IGFN1: variants seen among roughly 807,000 people sequenced by gnomAD.
The protein encoded by IGFN1 is immunoglobulin like and fibronectin type III domain containing 1, also known as immunoglobulin-like and fibronectin type III domain-containing protein 1.
In IGFN1, 253 loss-of-function variants were observed where a neutral mutation model predicts 289.5. That is an observed-to-expected ratio of 0.87 (90% confidence interval 0.79 to 0.97). IGFN1 has a LOEUF of 0.97. IGFN1 is among the 50% of genes least tolerant of loss of function. The pLI, the probability that IGFN1 is intolerant of heterozygous loss-of-function variation, is 0.00. For synonymous variants in IGFN1, 1,706 were observed against 1,788.5 expected (o/e 0.95, Z 1.16); for missense variants, 4,470 against 4,686.1 (o/e 0.95, Z 1.35).
rs1427398698 is a variant in IGFN1 at position 201,209,330 on chromosome 1, G to A, written c.4437G>A (p.Arg1479=). The A allele has an allele frequency of 7.4e-6, 11 of 1,485,238 alleles. No individual in the cohort carries two copies. In the Admixed American group the frequency reaches 1.9e-4, roughly 26 times the overall value. 92.0% of individuals were successfully genotyped at this position (1,485,238 alleles called of 1,614,324 possible). A position where few individuals can be genotyped will look rare whatever the true frequency, so the allele number is the denominator to read the frequency against. Residue 1479 remains arginine (R), a synonymous_variant, in exon 12 of 24, where the codon AGG becomes AGA. Transcript: ENST00000335211. ...RMDSGSKAGY[R]GGLRGSGEMG... is the part of the protein sequence containing the mutation. Reference sequence around the variant, plus strand: ...ATTCAGGGAGCAAGGCAGGTTACAGGGGTGGTTTAAGGGGTTCTGGGGAAA... The same window carrying A: ...ATTCAGGGAGCAAGGCAGGTTACAGAGGTGGTTTAAGGGGTTCTGGGGAAA...
In IGFN1 at chr1:201,212,090, C is replaced by T. The variant is rs1485827126; in HGVS notation, c.7197C>T (p.Asp2399=). The T allele has an allele frequency of 4.6e-6, 7 of 1,536,346 alleles. No individual in the cohort carries two copies. Among genetic ancestry groups the T allele is most frequent in the Non-Finnish European group, 8.7e-7 (1 of 1,146,766 alleles). The change falls in exon 12 of 24, where the codon GAC becomes GAT. Residue 2399 remains aspartate, a synonymous_variant. Coordinates refer to ENST00000335211, the MANE Select transcript of IGFN1 (RefSeq NM_001164586.2). ...GATATTGGGTAGCATCAGAGGGTGACACGAACTCCAAGGATGGTCCAGAGC... is the reference window on the plus strand; with the variant it reads ...GATATTGGGTAGCATCAGAGGGTGATACGAACTCCAAGGATGGTCCAGAGC... ...RSGYWVASEG[D]TNSKDGPERA...
In IGFN1 at chr1:201,213,025, G is replaced by T; in HGVS notation, c.8132G>T (p.Gly2711Val). The change falls in exon 12 of 24, where the codon GGT (glycine) becomes GTT (valine). Residue 2711 changes from glycine (G) to valine (V), a missense_variant. Physicochemically the swap from Gly to Val is moderately radical, Grantham distance 109 (BLOSUM62 -3). Transcript: ENST00000335211. Reference sequence around the variant, plus strand: ...AGTTCTGTTGATGCAGAGGACTCAGGTATCCTGGGCAAGGGGAATTCTACT... The same window carrying T: ...AGTTCTGTTGATGCAGAGGACTCAGTTATCCTGGGCAAGGGGAATTCTACT... ...RGSSVDAEDS[G>V]ILGKGNSTEW... The T allele has an allele frequency of 6.4e-7, 1 of 1,551,608 alleles. No individual in the cohort carries two copies.
rs1392314182 is a variant in IGFN1, at chr1:201,212,746, G to C, written c.7853G>C (p.Arg2618Thr). Residue 2618 changes from arginine to threonine, a missense_variant, in exon 12 of 24, where the codon AGA (arginine) becomes ACA (threonine). This residue lies in a region of IGFN1 where 2,218 missense variants were observed against 2,114.1 expected (regional missense o/e 1.05). Transcript: ENST00000335211. ...AAGTCAACATCAGGGCCTGCTGATAGACAAGGGACGAGCAATGCTTGGGCT... is the reference window on the plus strand; with the variant it reads ...AAGTCAACATCAGGGCCTGCTGATACACAAGGGACGAGCAATGCTTGGGCT... ...RGKSTSGPAD[R>T]QGTSNAWAPD... is the part of the protein sequence containing the mutation. 7 of 1,551,462 alleles carry C rather than the reference G, an allele frequency of 4.5e-6. No homozygotes were observed. The African/African-American group carries it at 9.6e-5, about 21-fold the overall frequency.
At chr1:201,203,310 A>G (rs1440034930) in intron 9 of IGFN1, among the ~76,000 whole-genome samples, 1 of 152,150 alleles carries the variant, frequency 6.6e-6, no homozygotes, top group Admixed American at 6.5e-5. Flanking sequence ...GGTTTCATAG[A>G]GCCTTATGGA....
chr1:201,227,039 C>T lies in IGFN1; in HGVS notation c.10944C>T (p.Phe3648=), dbSNP rs772714297. The change falls in exon 23 of 24, where the codon TTC becomes TTT. Residue 3648 remains phenylalanine (F), a synonymous_variant. Coordinates refer to ENST00000335211, the MANE Select transcript of IGFN1 (RefSeq NM_001164586.2). ...QGSPRPHVTW[F]KNDRSLEGNP... ...CGCCCCGGCCCCACGTCACCTGGTTCAAGAATGACCGCAGCCTGGAAGGAA... is the reference window on the plus strand; with the variant it reads ...CGCCCCGGCCCCACGTCACCTGGTTTAAGAATGACCGCAGCCTGGAAGGAA... 1.2e-6 allele frequency: 2 copies of T among 1,613,652 alleles called. No individual in the cohort carries two copies. Among genetic ancestry groups the T allele is most frequent in the South Asian group, 1.1e-5 (1 of 91,088 alleles).
intron 12 of IGFN1, 102 bp downstream of exon 12, chr1:201,213,723 C>G: frequency 2.0e-6 from 2 of 985,292 alleles, no homozygotes; most frequent in Non-Finnish European, 3.0e-6. Flanking sequence ...CCTCCAGCCC[C>G]AGGAGTTTGT....
At chr1:201,216,170 T>C (rs1273792791) in intron 15 of IGFN1, 6 of 603,968 alleles carry the variant, frequency 9.9e-6, no homozygotes, top group African/African-American at 1.8e-5. Flanking sequence ...GCCGAGCAGG[T>C]GCCCATACCA....
chr1:201,223,046 C>T, intron 20 of IGFN1: 1 of 401,720 alleles, frequency 2.5e-6, no homozygotes, highest in Non-Finnish European at 4.5e-6. Flanking sequence ...GCTGGGTGGC[C>T]ATTCTGCTCC....
Position 201,214,171 on chromosome 1 carries a change from C to A in IGFN1, c.8729-6C>A. 1 of 1,609,796 alleles carries A rather than the reference C, an allele frequency of 6.2e-7. No individual in the cohort carries two copies. On this transcript the variant is annotated splice_polypyrimidine_tract_variant and splice_region_variant and intron_variant, in intron 12 of 23. Coordinates refer to ENST00000335211, the MANE Select transcript of IGFN1 (RefSeq NM_001164586.2). The stretch of plus-strand genomic sequence containing the variant: ...GGCCCTGGGGATTCCCTCTGTGTCT[C>A]TCCAGGCCCCATGGGCCACTTCTCC...
In IGFN1 at chr1:201,206,946, G is replaced by C. The variant is rs985645072; in HGVS notation, c.2053G>C (p.Gly685Arg). 9 of 1,536,276 alleles carry C rather than the reference G, an allele frequency of 5.9e-6. No individual in the cohort carries two copies. Among genetic ancestry groups the C allele is most frequent in the Non-Finnish European group, 7.0e-6 (8 of 1,146,514 alleles). Residue 685 changes from glycine (G) to arginine (R), a missense_variant, in exon 12 of 24, where the codon GGC becomes CGC. This residue lies in a region of IGFN1 where 2,011 missense variants were observed against 1,953.4 expected (regional missense o/e 1.03). Coordinates refer to ENST00000335211, the MANE Select transcript of IGFN1 (RefSeq NM_001164586.2). ...GGAGCTTACTGGAGGAAGAGGTTCTGGCTCCAAGGTGGGCATGGCCCCTGA... is the reference window on the plus strand; with the variant it reads ...GGAGCTTACTGGAGGAAGAGGTTCTCGCTCCAAGGTGGGCATGGCCCCTGA... ...TLELTGGRGS[G>R]SKVGMAPESW...
chr1:201,216,172 C>T, intron 15 of IGFN1: 1 of 604,180 alleles, frequency 1.7e-6, no homozygotes, highest in South Asian at 1.9e-5. Context: ...CGAGCAGGTG[C>T]CCATACCAGC....
Position 201,209,990 on chromosome 1 carries a change from T to G in IGFN1, c.5097T>G (p.Ser1699=), listed in dbSNP as rs1161059869. 10 of 1,489,682 alleles carry G rather than the reference T, an allele frequency of 6.7e-6. No homozygotes were observed. Among genetic ancestry groups the G allele is most frequent in the African/African-American group, 1.5e-5 (1 of 66,142 alleles). The allele number at this position is 1,489,682 out of a possible 1,614,324, so 92.3% of individuals were successfully genotyped here. Residue 1699 remains serine, a synonymous_variant, in exon 12 of 24, where the codon TCT becomes TCG. Transcript: ENST00000335211. ...GTTTTAGGGATGGTTTAGGGAGTTC[T>G]GTAGAAATGGGGTCAGTGAATGAGG... ...KAGFRDGLGS[S]VEMGSVNEAG...
At chr1:201,217,210 C>A in intron 16 of IGFN1, 77 bp from the exon 17 acceptor site, 2 of 1,351,586 alleles carry the variant, frequency 1.5e-6, no homozygotes, top group Non-Finnish European at 2.1e-6. Flanking sequence ...ATGCCTGTGC[C>A]CCCTACCCCC....
chr1:201,203,242 C>A (rs1462938193), intron 9 of IGFN1, among the ~76,000 whole-genome samples: 1 of 152,202 alleles, frequency 6.6e-6, no homozygotes, highest in Non-Finnish European at 1.5e-5. Flanking sequence ...TGTTAATATT[C>A]AGCAAGTAGC....
Position 201,216,029 on chromosome 1 carries a change from G to A in IGFN1, c.9295+191G>A, listed in dbSNP as rs779228467. The A allele has an allele frequency of 6.0e-5, 44 of 735,946 alleles. No individual in the cohort carries two copies. The African/African-American group carries it at 6.9e-4, about 12-fold the overall frequency. The allele number at this position is 735,946 out of a possible 1,614,324, so 45.6% of individuals were successfully genotyped here. A position where few individuals can be genotyped will look rare whatever the true frequency, so the allele number is the denominator to read the frequency against. The stretch of plus-strand genomic sequence containing the variant: ...AAGAAGCAGTTGAGATGAACACAGT[G>A]CTGGGCTCCTGCTGGGGGGGAGGAG... On this transcript the variant is annotated intron_variant, in intron 15 of 23. Transcript: ENST00000335211.
At chr1:201,194,419 G>A (rs932019087) in intron 3 of IGFN1, 146 bp downstream of exon 3, 4 of 869,778 alleles carry the variant, frequency 4.6e-6, no homozygotes, top group South Asian at 1.8e-5. Context: ...TATCCTTGAG[G>A]GGGTATGTGC....
Position 201,206,860 on chromosome 1 carries a change from G to C in IGFN1, c.1967G>C (p.Gly656Ala). ...AGGGGGAGAGGAATAGTAGTGTGGGGTGGTGGGACTGGCCTGGGAGAAGCT... is the reference window on the plus strand; with the variant it reads ...AGGGGGAGAGGAATAGTAGTGTGGGCTGGTGGGACTGGCCTGGGAGAAGCT... ...RERGRGIVVW[G>A]GGTGLGEAGD... Residue 656 changes from glycine (G) to alanine (A), a missense_variant, in exon 12 of 24, where the codon GGT (glycine) becomes GCT (alanine). Physicochemically the swap from Gly to Ala is moderately conservative, Grantham distance 60. Around this residue, in one of 8 missense-constraint regions of IGFN1, gnomAD observed 2,011 missense variants for 1,953.4 expected, o/e 1.03. Transcript: ENST00000335211. 1 of 1,536,586 alleles carries C rather than the reference G, an allele frequency of 6.5e-7. No individual in the cohort carries two copies. The highest frequency in any genetic ancestry group is 1.2e-5 in the South Asian group (1 of 84,002).
Position 201,207,259 on chromosome 1 carries a change from AGGAGC to A in IGFN1, c.2367_2371del (p.Gln789HisfsTer15). On this transcript the variant is annotated frameshift_variant, in exon 12 of 24. Coordinates refer to ENST00000335211, the MANE Select transcript of IGFN1 (RefSeq NM_001164586.2). LOFTEE classifies it high-confidence loss of function. The stretch of plus-strand genomic sequence containing the variant: ...CCCAGAGGCTGCGAAGGTGTCCTAC[AGGAGC>A]TCAGGGGAAGGGATGGCCAGGAAAC... The A allele has an allele frequency of 6.5e-7, 1 of 1,536,790 alleles. No homozygotes were observed. Among genetic ancestry groups the A allele is most frequent in the South Asian group, 1.2e-5 (1 of 84,066 alleles).
rs575197790 is a variant in IGFN1 at position 201,205,108 on chromosome 1, C to T, written c.943C>T (p.Leu315=). The change falls in exon 11 of 24, where the codon CTG becomes TTG. Residue 315 remains leucine, a synonymous_variant. Transcript: ENST00000335211. ...CATCCCCCCAAGAGTGGTGGTCCCA[C>T]TGGCGGAGACCCACTGTGAGGAGCA... ...SAIPPRVVVP[L]AETHCEEQGD... 195 of 1,549,162 alleles carry T rather than the reference C, an allele frequency of 1.3e-4. 1 individual carries two copies. The African/African-American group carries it at 2.5e-3, about 20-fold the overall frequency.
Sources: allele counts gnomAD v4.1 joint callset (sites outside exome capture counted in the v4.1 genomes callset), GRCh38; gene constraint gnomAD v4.1.1; regional missense constraint gnomAD v4.1.1; transcripts MANE v1.5; gene names NCBI Gene and HGNC (gene_info 2026-07-23, HGNC 2026-07-21).